SLCO2A1: variants seen among roughly 807,000 people sequenced by gnomAD.
SLCO2A1 encodes the protein matrin F/G 1.
SLCO2A1 carries 60 observed loss-of-function variants against 71.7 expected under a neutral mutation model. That is an observed-to-expected ratio of 0.84 (90% CI 0.68 to 1.04). The LOEUF is 1.04. Among genes scored for constraint, SLCO2A1 ranks in the 50% least tolerant of loss-of-function variants. SLCO2A1 has a pLI of 0.00. For synonymous variants in SLCO2A1, 308 were observed against 326.7 expected, an observed-to-expected ratio of 0.94 and a Z score of 0.62; for missense variants, 745 against 813.4, an observed-to-expected ratio of 0.92 and a Z score of 1.02.
At chr3:133,954,871 G>A in intron 4 of SLCO2A1, 95 bp downstream of exon 4, 1 of 975,956 alleles carries the variant, frequency 1.0e-6, no homozygotes, top group Non-Finnish European at 1.6e-6. Context: ...TGTAAGCAAA[G>A]AGGGTGGGAC....
At chr3:133,990,094 A>G (rs923409586) in intron 1 of SLCO2A1, among the ~76,000 whole-genome samples, 1 of 152,210 alleles carries the variant, frequency 6.6e-6, no homozygotes, top group African/African-American at 2.4e-5. Context: ...ACGTTCGCCA[A>G]TTCTAAATCT....
intron 1 of SLCO2A1, among the ~76,000 whole-genome samples, chr3:134,010,564 C>T (rs971358849): frequency 2.0e-5 from 3 of 151,858 alleles, no homozygotes; most frequent in Non-Finnish European, 4.4e-5. Context: ...CCAGCCTGAC[C>T]AACATGGTTA....
At chr3:133,958,976 T>G (rs1392715078) in intron 3 of SLCO2A1, among the ~76,000 whole-genome samples, 1 of 152,186 alleles carries the variant, frequency 6.6e-6, no homozygotes, top group Non-Finnish European at 1.5e-5. Context: ...CTAAGTTATG[T>G]GGGAGCACGG....
rs34863339 is a variant in SLCO2A1, at chr3:133,981,974, C to CA, written c.97-2357dup. ...TGGGCGACAGAGCGAGACTCCGTCT[C>CA]AAAAAAAAAAAAAAAAAAAACAAAA... is the stretch of plus-strand genomic sequence containing the variant. On this transcript the variant is annotated intron_variant, in intron 1 of 13. Coordinates refer to ENST00000310926, the MANE Select transcript of SLCO2A1 (RefSeq NM_005630.3). 7.4e-3 allele frequency among the ~76,000 whole-genome samples: 814 copies of CA among 109,774 alleles called. 11 individuals are homozygous for CA. The highest frequency in any genetic ancestry group is 0.029 in the African/African-American group (746 of 26,060). 72.0% of individuals were successfully genotyped at this position (109,774 alleles called of 152,430 possible).
intron 11 of SLCO2A1, among the ~76,000 whole-genome samples, chr3:133,939,889 C>T (rs2108037512): frequency 6.6e-6 from 1 of 152,126 alleles, no homozygotes; most frequent in African/African-American, 2.4e-5. Context: ...GCCTTCACTT[C>T]CAGCTTGTGT....
chr3:133,954,500 C>T (rs951127054), intron 4 of SLCO2A1, among the ~76,000 whole-genome samples: 6 of 152,196 alleles, frequency 3.9e-5, no homozygotes, highest in Admixed American at 1.3e-4. Context: ...TGGGCATTCA[C>T]GTGGTCATCT....
At chr3:134,007,827 T>C (rs761929354) in intron 1 of SLCO2A1, among the ~76,000 whole-genome samples, 5 of 152,232 alleles carry the variant, frequency 3.3e-5, no homozygotes, top group African/African-American at 7.2e-5. Flanking sequence ...CCTTATTCCT[T>C]GTGCAGGGTC....
At chr3:133,946,940 C>A (rs1292343011) in intron 9 of SLCO2A1, among the ~76,000 whole-genome samples, 1 of 152,008 alleles carries the variant, frequency 6.6e-6, no homozygotes, top group Non-Finnish European at 1.5e-5. Context: ...AATGGTGAAA[C>A]CCCGCCTCAA....
intron 9 of SLCO2A1, among the ~76,000 whole-genome samples, chr3:133,946,945 C>A (rs1933592797): frequency 1.3e-5 from 2 of 151,862 alleles, no homozygotes; most frequent in African/African-American, 4.8e-5. Flanking sequence ...TGAAACCCCG[C>A]CTCAACTAAA....
intron 1 of SLCO2A1, among the ~76,000 whole-genome samples, chr3:133,992,954 T>C (rs550709143): frequency 1.2e-4 from 18 of 152,042 alleles, no homozygotes; most frequent in East Asian, 7.7e-4. Flanking sequence ...GGTGCTGTCA[T>C]GAGTGCTGTC....
intron 1 of SLCO2A1, among the ~76,000 whole-genome samples, chr3:134,026,102 G>A (rs1160744657): frequency 6.6e-6 from 1 of 152,076 alleles, no homozygotes; most frequent in Admixed American, 6.6e-5. Flanking sequence ...GAATCACCCT[G>A]ATAATTTCTA....
chr3:133,973,544 C>T, intron 3 of SLCO2A1, 119 bp downstream of exon 3: 1 of 1,094,184 alleles, frequency 9.1e-7, no homozygotes, highest in Non-Finnish European at 1.3e-6. Flanking sequence ...TCAGTATAGT[C>T]TGAGCTTCAT....
At chr3:133,985,220 T>A (rs1037406281) in intron 1 of SLCO2A1, among the ~76,000 whole-genome samples, 1 of 152,200 alleles carries the variant, frequency 6.6e-6, no homozygotes, top group African/African-American at 2.4e-5. Flanking sequence ...TTGGAAAACA[T>A]AACGTACTAC....
chr3:133,995,088 G>A (rs1934934224), intron 1 of SLCO2A1, among the ~76,000 whole-genome samples: 1 of 152,022 alleles, frequency 6.6e-6, no homozygotes, highest in South Asian at 2.1e-4. Context: ...CGAGGGACTG[G>A]TACCCAGATG....
intron 2 of SLCO2A1, 55 bp downstream of exon 2, chr3:133,979,426 T>C (rs1280497472): frequency 1.2e-6 from 2 of 1,609,202 alleles, no homozygotes; most frequent in Admixed American, 1.7e-5. Context: ...CTCCTGGATC[T>C]TGTGGTCAGC....
At chr3:133,985,136 T>C (rs1293035655) in intron 1 of SLCO2A1, among the ~76,000 whole-genome samples, 1 of 152,226 alleles carries the variant, frequency 6.6e-6, no homozygotes, top group Non-Finnish European at 1.5e-5. Flanking sequence ...TAGAATAGAA[T>C]TTCCCACAAT....
chr3:133,995,690 C>A lies in SLCO2A1; in HGVS notation c.97-16072G>T, dbSNP rs115791879. 4.4e-3 allele frequency among the ~76,000 whole-genome samples: 667 copies of A among 152,276 alleles called. 6 individuals carry two copies. The highest frequency in any genetic ancestry group is 0.016 in the African/African-American group (648 of 41,552). The stretch of plus-strand genomic sequence containing the variant: ...TGTCACCCAGGACACACCTGTGGTG[C>A]CAGCAAGGCAGAGGAGGGAAATGAC... On this transcript the variant is annotated intron_variant, in intron 1 of 13. Coordinates refer to ENST00000310926, the MANE Select transcript of SLCO2A1 (RefSeq NM_005630.3).
chr3:133,942,887 G>C, intron 10 of SLCO2A1, 119 bp from the exon 11 acceptor site: 1 of 1,113,210 alleles, frequency 9.0e-7, no homozygotes, highest in Non-Finnish European at 1.2e-6. Context: ...TGTCCTCTGG[G>C]TCTGGTTCCC....
intron 1 of SLCO2A1, among the ~76,000 whole-genome samples, chr3:134,021,280 T>C (rs1298806238): frequency 6.6e-6 from 1 of 152,134 alleles, no homozygotes. Context: ...TTGAAAAATT[T>C]CAAAAAAGAA....
Sources: gnomAD v4.1 joint callset for allele counts (sites outside exome capture counted in the v4.1 genomes callset) on GRCh38, gnomAD v4.1.1 for gene constraint, MANE v1.5 for transcripts, NCBI Gene and HGNC (gene_info 2026-07-23, HGNC 2026-07-21) for gene names.